TFDP2: variants seen among roughly 807,000 people sequenced by gnomAD.
The protein encoded by TFDP2 is transcription factor Dp-2 (E2F dimerization partner 2).
TFDP2 carries 17 observed loss-of-function variants against 59.3 expected under a neutral mutation model. The observed-to-expected ratio is 0.29, with a 90% CI of 0.20 to 0.43. The LOEUF (loss-of-function observed/expected upper bound fraction) is 0.43. TFDP2 is among the 20% of genes least tolerant of loss of function. TFDP2 has a pLI of 1.00. For missense variants in TFDP2, 391 were observed against 528.8 expected, an observed-to-expected ratio of 0.74 and a Z score of 2.56; for synonymous variants, 180 against 194.7, an observed-to-expected ratio of 0.92 and a Z score of 0.63.
chr3:141,955,340 A>G (rs1031458978), intron 11 of TFDP2, among the ~76,000 whole-genome samples: 4 of 152,256 alleles, frequency 2.6e-5, no homozygotes, highest in African/African-American at 9.6e-5. Context: ...GGTCACGAAG[A>G]GATCAAAACC....
intron 2 of TFDP2, among the ~76,000 whole-genome samples, chr3:142,094,762 CAT>C (rs1417688510): frequency 6.6e-6 from 1 of 152,120 alleles, no homozygotes; most frequent in African/African-American, 2.4e-5. Flanking sequence ...GTCAAGCTGA[CAT>C]ATCCATTACC....
chr3:142,081,933 T>TA (rs1232196710), intron 3 of TFDP2, among the ~76,000 whole-genome samples: 1 of 152,180 alleles, frequency 6.6e-6, no homozygotes, highest in Non-Finnish European at 1.5e-5. Flanking sequence ...TTACTCAAAC[T>TA]ATTCCAAAAA....
intron 6 of TFDP2, among the ~76,000 whole-genome samples, chr3:141,988,703 T>C (rs1334775552): frequency 1.5e-5 from 2 of 137,056 alleles, no homozygotes. Context: ...GGAGTCTCAC[T>C]CTGTCGTCAG....
intron 3 of TFDP2, among the ~76,000 whole-genome samples, chr3:142,084,785 G>A (rs959123572): frequency 1.8e-4 from 27 of 152,182 alleles, no homozygotes; most frequent in South Asian, 1.0e-3. Flanking sequence ...AATTGAACAC[G>A]TGGAGACAGA....
Position 141,995,087 on chromosome 3 carries a change from G to C in TFDP2, c.241C>G (p.Pro81Ala). The C allele has an allele frequency of 1.2e-6, 2 of 1,611,598 alleles. 1 individual carries two copies. The highest frequency in any genetic ancestry group is 2.2e-5 in the South Asian group (2 of 90,514). The change falls in exon 5 of 13, where the codon CCA (proline) becomes GCA (alanine). Residue 81 changes from proline to alanine, a missense_variant. By Grantham distance (27) the Pro-to-Ala change is conservative. This residue lies in a region of TFDP2 where 162 missense variants were observed against 206.8 expected (regional missense o/e 0.78). Transcript: ENST00000489671. ...TSSGSVLIGS[P>A]YTPAPAMVTQ... Reference sequence around the variant, plus strand: ...ACCATTGCTGGTGCAGGGGTATATGGACTCCCAATCAGAACACTTCCTGAA... The same window carrying C: ...ACCATTGCTGGTGCAGGGGTATATGCACTCCCAATCAGAACACTTCCTGAA...
intron 3 of TFDP2, among the ~76,000 whole-genome samples, chr3:142,039,009 T>C (rs529285140): frequency 8.0e-4 from 122 of 152,326 alleles, no homozygotes; most frequent in Non-Finnish European, 1.3e-3. Flanking sequence ...TTTTAAGCCT[T>C]TTGATATGAT....
Position 141,993,518 on chromosome 3 carries a change from A to C in TFDP2, c.356+20T>G. 1 of 1,533,910 alleles carries C rather than the reference A, an allele frequency of 6.5e-7. No individual in the cohort carries two copies. Among genetic ancestry groups the C allele is most frequent in the Non-Finnish European group, 8.9e-7 (1 of 1,129,352 alleles). On this transcript the variant is annotated intron_variant, in intron 6 of 12. Transcript: ENST00000489671. ...TATATAGCCAAATCTTCCAAACAAA[A>C]TAGTTAGACTTATACTCACCTTTCT...
intron 1 of TFDP2, among the ~76,000 whole-genome samples, chr3:142,138,886 C>T (rs1205068551): frequency 6.6e-6 from 1 of 152,112 alleles, no homozygotes; most frequent in Non-Finnish European, 1.5e-5. Context: ...CTACTAGGTC[C>T]ACTTGGTGCA....
At chr3:142,008,018 T>C (rs561860563) in intron 3 of TFDP2, among the ~76,000 whole-genome samples, 1 of 152,210 alleles carries the variant, frequency 6.6e-6, no homozygotes, top group African/African-American at 2.4e-5. Context: ...CTGGCACTCG[T>C]TTAATTTGCA....
intron 2 of TFDP2, among the ~76,000 whole-genome samples, chr3:142,096,513 A>G (rs531396079): frequency 1.3e-5 from 2 of 152,266 alleles, no homozygotes; most frequent in Admixed American, 6.5e-5. Context: ...TTTTTTCTCA[A>G]TTTTTAAAAA....
At position 142,149,175 on chromosome 3, in the gene TFDP2, G is replaced by A. The variant is rs991510284; in HGVS notation, c.-93+8C>T. ...CGCGCGGGCCCGCGCCCTCGCCCCA[G>A]ACCTTACCGCCTTCGGCTGCAGAAG... On this transcript the variant is annotated splice_region_variant and intron_variant, in intron 1 of 12. Coordinates refer to ENST00000489671, the MANE Select transcript of TFDP2 (RefSeq NM_001178139.2). 3 of 397,838 alleles carry A rather than the reference G, an allele frequency of 7.5e-6. No individual in the cohort carries two copies. The highest frequency in any genetic ancestry group is 1.3e-5 in the Non-Finnish European group (3 of 225,536). 24.6% of individuals were successfully genotyped at this position (397,838 alleles called of 1,614,324 possible).
chr3:142,141,055 C>T (rs11712148), intron 1 of TFDP2, among the ~76,000 whole-genome samples: 12,644 of 152,230 alleles, frequency 0.083, 655 homozygotes, highest in Middle Eastern at 0.14. Context: ...CTTTGTTTAC[C>T]TACTCAAGCC....
At chr3:142,008,363 CACA>C (rs1944383034) in intron 3 of TFDP2, among the ~76,000 whole-genome samples, 1 of 151,984 alleles carries the variant, frequency 6.6e-6, no homozygotes, top group African/African-American at 2.4e-5. Flanking sequence ...TTAAGGACTC[CACA>C]ACACTTCCTA....
rs1935672492 is a variant in TFDP2 at position 141,949,458 on chromosome 3, A to G, written c.*3055T>C. 1 of 152,448 alleles carries G rather than the reference A, an allele frequency of 6.6e-6. No homozygotes were observed. Among genetic ancestry groups the G allele is most frequent in the African/African-American group, 2.4e-5 (1 of 41,444 alleles). The allele number at this position is 152,448 out of a possible 1,614,324, so 9.4% of individuals were successfully genotyped here. On this transcript the variant is annotated 3_prime_UTR_variant, in exon 13 of 13. Coordinates refer to ENST00000489671, the MANE Select transcript of TFDP2 (RefSeq NM_001178139.2). The stretch of plus-strand genomic sequence containing the variant: ...ACCACAACTGCTCTCACCACAGGAA[A>G]TAAGCACGTGGAGGACACAGACTGA...
rs559284792 is a variant in TFDP2 at position 141,963,708 on chromosome 3, T to C, written c.884+104A>G. On this transcript the variant is annotated intron_variant, in intron 10 of 12. Coordinates refer to ENST00000489671, the MANE Select transcript of TFDP2 (RefSeq NM_001178139.2). ...TTCATGTGCCCCAAGGAAGCCAGCC[T>C]TTGAGGGGTGCAACTAATAAAGTGC... is the stretch of plus-strand genomic sequence containing the variant. 1.5e-5 allele frequency: 21 copies of C among 1,379,778 alleles called. No homozygotes were observed. In the African/African-American group the frequency reaches 2.6e-4, roughly 17 times the overall value. The allele number at this position is 1,379,778 out of a possible 1,614,324, so 85.5% of individuals were successfully genotyped here. A position where few individuals can be genotyped will look rare whatever the true frequency, so the allele number is the denominator to read the frequency against.
intron 3 of TFDP2, among the ~76,000 whole-genome samples, chr3:142,088,553 G>C (rs541975367): frequency 6.6e-6 from 1 of 150,454 alleles, no homozygotes; most frequent in Non-Finnish European, 1.5e-5. Flanking sequence ...CTGGGGGCTC[G>C]AACTTCCCAA....
rs922437988 is a variant in TFDP2, at chr3:142,143,234, TA to T, written c.-93+5948del. On this transcript the variant is annotated intron_variant, in intron 1 of 12. Transcript: ENST00000489671. ...CTGGGCAACAGAGCAAGACCCTGTC[TA>T]AAAAAAAAAATCAAATCAAAATGGA... 3.7e-3 allele frequency among the ~76,000 whole-genome samples: 540 copies of T among 146,798 alleles called. 2 individuals carry two copies. Among genetic ancestry groups the T allele is most frequent in the African/African-American group, 0.012 (487 of 40,168 alleles).
chr3:142,136,626 G>A (rs2062748942), intron 1 of TFDP2, among the ~76,000 whole-genome samples: 1 of 152,046 alleles, frequency 6.6e-6, no homozygotes, highest in Non-Finnish European at 1.5e-5. Context: ...TCCAGTTTCA[G>A]CTTTCTACAT....
intron 3 of TFDP2, among the ~76,000 whole-genome samples, chr3:142,039,025 G>A (rs1236576982): frequency 3.3e-5 from 5 of 152,064 alleles, no homozygotes; most frequent in African/African-American, 7.2e-5. Flanking sequence ...ATGATACTGC[G>A]CAAATTATCC....
Sources: allele counts gnomAD v4.1 joint callset (sites outside exome capture counted in the v4.1 genomes callset), GRCh38; gene constraint gnomAD v4.1.1; regional missense constraint gnomAD v4.1.1; transcripts MANE v1.5; gene names NCBI Gene and HGNC (gene_info 2026-07-23, HGNC 2026-07-21).